The following FLNA variants were observed in gnomAD, a reference collection of about 807,000 sequenced individuals.
The protein encoded by FLNA is filamin A.
Under a neutral mutation model 157.6 loss-of-function variants are expected in FLNA, and 7 were observed. The observed-to-expected ratio is 0.04, with a 90% CI of 0.03 to 0.08. The LOEUF (loss-of-function observed/expected upper bound fraction) is 0.08, where lower values mean the gene tolerates loss of function less well. FLNA is among the 10% of genes least tolerant of loss of function. The probability of loss-of-function intolerance (pLI) is 1.00; values close to 1 mark genes in which losing one functional copy is unlikely to be tolerated. For synonymous variants in FLNA, 1,103 were observed against 1,060.8 expected (o/e 1.04, Z -0.77); for missense variants, 1,750 against 2,398.4 (o/e 0.73, Z 5.65).
rs1381370972 is a variant in FLNA at position 154,353,687 on chromosome X, T to C, written c.5727A>G (p.Glu1909=). 8.3e-7 allele frequency: 1 copy of C among 1,210,389 alleles called. No homozygotes were observed. Among genetic ancestry groups the C allele is most frequent in the Non-Finnish European group, 1.1e-6 (1 of 895,136 alleles). Residue 1909 remains glutamate (E), a synonymous_variant, in exon 36 of 48, where the codon GAA becomes GAG. Transcript: ENST00000369850. ...SLAIEGPSKA[E]ISCTDNQDGT... is the part of the protein sequence containing the mutation. ...CATCCTGGTTGTCAGTGCAGCTGAT[T>C]TCTGCTTTGGACGGGCCCTCAATGG...
rs2067717314 is a variant in FLNA, at chrX:154,362,220, G to C, written c.2656+22C>G. 6.6e-6 allele frequency: 8 copies of C among 1,209,046 alleles called. No homozygotes were observed. The African/African-American group carries it at 1.0e-4, about 16-fold the overall frequency. On this transcript the variant is annotated intron_variant, in intron 18 of 47. Coordinates refer to ENST00000369850, the MANE Select transcript of FLNA (RefSeq NM_001110556.2). ...TCCTACCCTTGATGCCCCGCAACCT[G>C]CCATGGGGTACCTGTCCTCACCAGT...
rs1217989888 is a variant in FLNA at position 154,367,830 on chromosome X, G to A, written c.622+12C>T. 10 of 1,208,952 alleles carry A rather than the reference G, an allele frequency of 8.3e-6. No individual in the cohort carries two copies. The highest frequency in any genetic ancestry group is 1.1e-5 in the Non-Finnish European group (10 of 894,968). On this transcript the variant is annotated intron_variant, in intron 3 of 47. Coordinates refer to ENST00000369850, the MANE Select transcript of FLNA (RefSeq NM_001110556.2). Reference sequence around the variant, plus strand: ...CCCCAGCCCAGTCTCTCCTGCCTCTGCGCCCCCTCACCCGGGGCACAGCTG... The same window carrying A: ...CCCCAGCCCAGTCTCTCCTGCCTCTACGCCCCCTCACCCGGGGCACAGCTG...
Position 154,371,323 on chromosome X carries a change from C to T in FLNA, c.-78G>A. On this transcript the variant is annotated 5_prime_UTR_variant, in exon 2 of 48. Coordinates refer to ENST00000369850, the MANE Select transcript of FLNA (RefSeq NM_001110556.2). The stretch of plus-strand genomic sequence containing the variant: ...GCCCTTTAATTAAAGTCGCAGGCAC[C>T]TAGGCGCGCGGGAGGCGAGGCAGGG... The T allele has an allele frequency of 8.8e-7, 1 of 1,134,846 alleles. No individual in the cohort carries two copies. Among genetic ancestry groups the T allele is most frequent in the Non-Finnish European group, 1.2e-6 (1 of 850,787 alleles). The allele number at this position is 1,134,846 out of a possible 1,213,427, so 93.5% of individuals were successfully genotyped here.
intron 30 of FLNA, among the ~76,000 whole-genome samples, 141 bp downstream of exon 30, chrX:154,357,096 CCCTCCAGCCCACGG>C (rs1336125073): frequency 8.9e-6 from 1 of 112,304 alleles, no homozygotes; most frequent in Non-Finnish European, 1.9e-5. Flanking sequence ...TGGGCCCTCG[CCCTCCAGCCCACGG>C]CCTCATCTTC....
Position 154,361,541 on chromosome X carries a change from T to C in FLNA, c.2974A>G (p.Thr992Ala), listed in dbSNP as rs782445995. 8 of 1,209,695 alleles carry C rather than the reference T, an allele frequency of 6.6e-6. No homozygotes were observed. Among genetic ancestry groups the C allele is most frequent in the Admixed American group, 6.6e-5 (3 of 45,764 alleles). ...CCACCAGCACCCTTTGATTTGACTG[T>C]GAACTCCTGGTCTTTGCCAACGTCC... ...KVDVGKDQEF[T>A]VKSKGAGGQG... Residue 992 changes from threonine to alanine, a missense_variant, in exon 21 of 48, where the codon ACA (threonine) becomes GCA (alanine). Coordinates refer to ENST00000369850, the MANE Select transcript of FLNA (RefSeq NM_001110556.2).
At chrX:154,356,707 TGGGCC>T (rs1312518408) in intron 30 of FLNA, among the ~76,000 whole-genome samples, 1 of 112,328 alleles carries the variant, frequency 8.9e-6, no homozygotes, top group Non-Finnish European at 1.9e-5. Context: ...GCTCTGAGGC[TGGGCC>T]GGGCCCCGCC....
rs782700691 is a variant in FLNA, at chrX:154,360,631, G to A, written c.3208-44C>T. 2.7e-6 allele frequency: 3 copies of A among 1,094,074 alleles called. No individual in the cohort carries two copies. The African/African-American group carries it at 5.4e-5, about 20-fold the overall frequency. 90.2% of individuals were successfully genotyped at this position (1,094,074 alleles called of 1,213,427 possible). On this transcript the variant is annotated intron_variant, in intron 21 of 47. Transcript: ENST00000369850. ...AGGAGCCAAGGCCACACTATGCCCC[G>A]ATCCCAGACCTCCTGCTTGACTTTC...
Position 154,348,989 on chromosome X carries a change from C to T in FLNA, c.7804G>A (p.Glu2602Lys), listed in dbSNP as rs1557175179. 9 of 1,211,267 alleles carry T rather than the reference C, an allele frequency of 7.4e-6. No individual in the cohort carries two copies. Among genetic ancestry groups the T allele is most frequent in the Admixed American group, 4.3e-5 (2 of 46,110 alleles). Residue 2602 changes from glutamate to lysine, a missense_variant, in exon 48 of 48, where the codon GAG (glutamate) becomes AAG (lysine). Around this residue, in one of 5 missense-constraint regions of FLNA, gnomAD observed 970 missense variants for 1,302.6 expected, o/e 0.74. Coordinates refer to ENST00000369850, the MANE Select transcript of FLNA (RefSeq NM_001110556.2). ...VGVHGPRTPC[E>K]EILVKHVGSR... The stretch of plus-strand genomic sequence containing the variant: ...CCCACGTGCTTCACCAGGATCTCCT[C>T]GCAGGGGGTCCTTGGGCCATGAACC...
rs1010962454 is a variant in FLNA at position 154,371,392 on chromosome X, G to A, written c.-116-31C>T. The A allele has an allele frequency of 2.2e-4, 165 of 742,893 alleles. 1 individual carries two copies. The highest frequency in any genetic ancestry group is 1.1e-4 in the Non-Finnish European group (59 of 526,083). The allele number at this position is 742,893 out of a possible 1,213,427, so 61.2% of individuals were successfully genotyped here. Reference sequence around the variant, plus strand: ...GAGAGAGCGAGCCCTTTAAATGCGGGAGGAGGGCGGGGCCAGAGGGCGGGC... The same window carrying A: ...GAGAGAGCGAGCCCTTTAAATGCGGAAGGAGGGCGGGGCCAGAGGGCGGGC... On this transcript the variant is annotated intron_variant, in intron 1 of 47. Coordinates refer to ENST00000369850, the MANE Select transcript of FLNA (RefSeq NM_001110556.2).
Position 154,360,380 on chromosome X carries a change from G to C in FLNA, c.3415C>G (p.Leu1139Val). The C allele has an allele frequency of 6.6e-6, 8 of 1,211,576 alleles. No homozygotes were observed. Among genetic ancestry groups the C allele is most frequent in the Non-Finnish European group, 8.9e-6 (8 of 895,540 alleles). The change falls in exon 22 of 48, where the codon CTC becomes GTC. Residue 1139 changes from leucine (L) to valine (V), a missense_variant. By Grantham distance (32) the Leu-to-Val change is conservative (BLOSUM62 1). Transcript: ENST00000369850. ...CCAGGGATGTGGGTGTCAGCGAAGA[G>C]GATGTTGATGTTGTAGTCCCCGGGC... ...TEPGDYNINI[L>V]FADTHIPGSP...
intron 2 of FLNA, among the ~76,000 whole-genome samples, chrX:154,370,042 G>A (rs1054042614): frequency 9.0e-6 from 1 of 111,440 alleles, no homozygotes; most frequent in Non-Finnish European, 1.9e-5. Flanking sequence ...TCTTGAGAAC[G>A]AATTGGGCTG....
chrX:154,354,394 C>T lies in FLNA; in HGVS notation c.5403G>A (p.Lys1801=), dbSNP rs1557176450. The T allele has an allele frequency of 8.3e-7, 1 of 1,211,731 alleles. No homozygotes were observed. Among genetic ancestry groups the T allele is most frequent in the South Asian group, 1.8e-5 (1 of 57,047 alleles). The stretch of plus-strand genomic sequence containing the variant: ...GTCCCCACTCACCTGTGATCTCGCC[C>T]TTCTTGATGGTGAAGGGGATGACAA... ...FDLVIPFTIK[K]GEITGEVRMP... Residue 1801 remains lysine (K), a synonymous_variant, in exon 33 of 48, where the codon AAG becomes AAA. Coordinates refer to ENST00000369850, the MANE Select transcript of FLNA (RefSeq NM_001110556.2).
rs781959191 is a variant in FLNA at position 154,349,559 on chromosome X, C to T, written c.7559G>A (p.Arg2520His). Residue 2520 changes from arginine (R) to histidine (H), a missense_variant, in exon 47 of 48, where the codon CGT (arginine) becomes CAT (histidine). Around this residue, in one of 5 missense-constraint regions of FLNA, gnomAD observed 970 missense variants for 1,302.6 expected, o/e 0.74. Coordinates refer to ENST00000369850, the MANE Select transcript of FLNA (RefSeq NM_001110556.2). ...SPFKAKVTGP[R>H]LVSNHSLHET... ...GTGGAGGCTGTGGTTGCTGACGAGA[C>T]GGGGGCCTGCAAGGCAGAGTGGGTG... The T allele has an allele frequency of 2.6e-5, 31 of 1,211,154 alleles. No individual in the cohort carries two copies. The highest frequency in any genetic ancestry group is 3.5e-5 in the South Asian group (2 of 56,973).
At position 154,351,668 on chromosome X, in the gene FLNA, G is replaced by T; in HGVS notation, c.6936C>A (p.Asn2312Lys). Residue 2312 changes from asparagine to lysine, a missense_variant, in exon 43 of 48, where the codon AAC (asparagine) becomes AAA (lysine). Asn to Lys is a moderately conservative substitution (Grantham distance 94). Coordinates refer to ENST00000369850, the MANE Select transcript of FLNA (RefSeq NM_001110556.2). The part of the protein sequence containing the change: ...PGDYEVSVKF[N>K]EEHIPDSPFV... The stretch of plus-strand genomic sequence containing the variant: ...AGGGGCTGTCGGGAATGTGTTCCTC[G>T]TTGAACTTGACTGAGACTTCGTAGT... 8.3e-7 allele frequency: 1 copy of T among 1,207,097 alleles called. No individual in the cohort carries two copies. Among genetic ancestry groups the T allele is most frequent in the Non-Finnish European group, 1.1e-6 (1 of 891,069 alleles).
intron 2 of FLNA, 67 bp from the exon 3 acceptor site, chrX:154,368,157 G>C: frequency 8.3e-7 from 1 of 1,205,536 alleles, no homozygotes; most frequent in African/African-American, 1.7e-5. Flanking sequence ...CAGGCTTTGG[G>C]GTCAGGGTCT....
Position 154,359,718 on chromosome X carries a change from T to A in FLNA, c.3979+14A>T. 8.3e-7 allele frequency: 1 copy of A among 1,206,591 alleles called. No individual in the cohort carries two copies. The highest frequency in any genetic ancestry group is 1.1e-6 in the Non-Finnish European group (1 of 894,151). ...CACCCCGTCTGCCAGCCTGTGGGAG[T>A]CCCCAGCACGCACCCTCCTCGTAAG... is the stretch of plus-strand genomic sequence containing the variant. On this transcript the variant is annotated intron_variant, in intron 23 of 47. Transcript: ENST00000369850.
rs1557177233 is a variant in FLNA at position 154,358,231 on chromosome X, C to T, written c.4723G>A (p.Ala1575Thr). Residue 1575 changes from alanine to threonine, a missense_variant, in exon 28 of 48, where the codon GCC becomes ACC. By Grantham distance (58) the Ala-to-Thr change is moderately conservative. Transcript: ENST00000369850. ...PVEFTIDAKD[A>T]GEGLLAVQIT... ...TGGACAGCCAGCAGGCCCTCCCCGG[C>T]GTCCTTTGCATCGATGGTGAACTCC... The T allele has an allele frequency of 1.7e-6, 2 of 1,210,999 alleles. No individual in the cohort carries two copies. The highest frequency in any genetic ancestry group is 1.1e-6 in the Non-Finnish European group (1 of 895,420).
rs990704247 is a variant in FLNA at position 154,355,008 on chromosome X, C to T, written c.5034G>A (p.Ala1678=). Residue 1678 remains alanine, a synonymous_variant, in exon 31 of 48, where the codon GCG becomes GCA. Transcript: ENST00000369850. ...EETVITVDTK[A]AGKGKVTCTV... is the part of the protein sequence containing the mutation. ...TGCACGTCACTTTGCCTTTGCCTGC[C>T]GCCTTAGTGTCCACAGTGATCACCG... 8.3e-7 allele frequency: 1 copy of T among 1,211,834 alleles called. No homozygotes were observed. Among genetic ancestry groups the T allele is most frequent in the Non-Finnish European group, 1.1e-6 (1 of 895,295 alleles).
chrX:154,371,261 G>T lies in FLNA; in HGVS notation c.-16C>A. ...AGCTACTCATTTTGAGGCGCGAGAAGCCGGGGGGGCGGTGCTGCAGCCTCG... is the reference window on the plus strand; with the variant it reads ...AGCTACTCATTTTGAGGCGCGAGAATCCGGGGGGGCGGTGCTGCAGCCTCG... On this transcript the variant is annotated 5_prime_UTR_variant, in exon 2 of 48. Transcript: ENST00000369850. The T allele has an allele frequency of 8.3e-7, 1 of 1,198,144 alleles. No individual in the cohort carries two copies. The highest frequency in any genetic ancestry group is 1.1e-6 in the Non-Finnish European group (1 of 891,496).
Sources: gnomAD v4.1 joint callset for allele counts (sites outside exome capture counted in the v4.1 genomes callset) on GRCh38, gnomAD v4.1.1 for gene constraint, gnomAD v4.1.1 regional missense constraint, MANE v1.5 for transcripts, NCBI Gene and HGNC (gene_info 2026-07-23, HGNC 2026-07-21) for gene names.